Variants in ANGPT2 observed in about 807,000 individuals in gnomAD.
The protein encoded by ANGPT2 is angiopoietin 2, also known as angiopoietin-2.
A neutral mutation model predicts 62.9 loss-of-function variants in ANGPT2; 28 were observed. That is an observed-to-expected ratio of 0.44 (90% CI 0.33 to 0.61). ANGPT2 has a LOEUF of 0.61. ANGPT2 is among the 20% of genes least tolerant of loss of function. The pLI, the probability that ANGPT2 is intolerant of heterozygous loss-of-function variation, is 0.03. For synonymous variants in ANGPT2, 284 were observed against 207.8 expected, an observed-to-expected ratio of 1.37 and a Z score of -3.15; for missense variants, 727 against 594.9, an observed-to-expected ratio of 1.22 and a Z score of -2.31.
chr8:6,506,991 C>T (rs1046454506), intron 8 of ANGPT2, among the ~76,000 whole-genome samples: 4 of 151,882 alleles, frequency 2.6e-5, no homozygotes, highest in Non-Finnish European at 5.9e-5. Context: ...TCTGTCTCCC[C>T]GGTTCAAGAG....
At chr8:6,531,612 T>C (rs1013927891) in intron 2 of ANGPT2, among the ~76,000 whole-genome samples, 1 of 152,146 alleles carries the variant, frequency 6.6e-6, no homozygotes, top group African/African-American at 2.4e-5. Context: ...TATTTCAGTC[T>C]TCTTTCTGTT....
chr8:6,528,914 GC>G (rs1330282983), intron 2 of ANGPT2, among the ~76,000 whole-genome samples: 1 of 152,150 alleles, frequency 6.6e-6, no homozygotes, highest in Non-Finnish European at 1.5e-5. Context: ...AAAGTCCTTG[GC>G]CAACGTAAGG....
At chr8:6,513,592 C>T (rs1815636479) in intron 7 of ANGPT2, 86 bp downstream of exon 7, 5 of 1,155,878 alleles carry the variant, frequency 4.3e-6, no homozygotes, top group Non-Finnish European at 3.6e-6. Context: ...CTCGGCCTCC[C>T]AAAGTGCTGG....
intron 7 of ANGPT2, among the ~76,000 whole-genome samples, chr8:6,510,762 G>C (rs1308285221): frequency 6.6e-6 from 1 of 152,218 alleles, no homozygotes; most frequent in Non-Finnish European, 1.5e-5. Context: ...GTTGTGAAAA[G>C]ATGAGGGTAG....
rs1294085893 is a variant in ANGPT2, at chr8:6,499,974, C to G, written c.*3127G>C. 1.3e-6 allele frequency: 2 copies of G among 1,518,198 alleles called. No individual in the cohort carries two copies. Among genetic ancestry groups the G allele is most frequent in the South Asian group, 1.1e-5 (1 of 89,082 alleles). 94.0% of individuals were successfully genotyped at this position (1,518,198 alleles called of 1,614,324 possible). A position where few individuals can be genotyped will look rare whatever the true frequency, so the allele number is the denominator to read the frequency against. On this transcript the variant is annotated 3_prime_UTR_variant, in exon 9 of 9. Transcript: ENST00000629816. ...ACGATGGTAAATGCAGTTTGCTGTTCTCAAGAAATTATTATAAACATAAGG... is the reference window on the plus strand; with the variant it reads ...ACGATGGTAAATGCAGTTTGCTGTTGTCAAGAAATTATTATAAACATAAGG...
At chr8:6,532,637 A>G (rs1393828350) in intron 1 of ANGPT2, 150 bp from the exon 2 acceptor site, 1 of 617,120 alleles carries the variant, frequency 1.6e-6, no homozygotes, top group East Asian at 3.3e-5. Flanking sequence ...GAATCTTACT[A>G]TTTTTTTTTA....
At chr8:6,510,092 T>C (rs1405320923) in intron 7 of ANGPT2, among the ~76,000 whole-genome samples, 1 of 152,128 alleles carries the variant, frequency 6.6e-6, no homozygotes, top group East Asian at 1.9e-4. Context: ...CTTACATCGG[T>C]CATCTGTGTA....
At chr8:6,552,125 A>T (rs1823753997) in intron 1 of ANGPT2, among the ~76,000 whole-genome samples, 1 of 152,232 alleles carries the variant, frequency 6.6e-6, no homozygotes, top group Non-Finnish European at 1.5e-5. Flanking sequence ...TTTTCTACTA[A>T]GATATGTGGC....
intron 1 of ANGPT2, among the ~76,000 whole-genome samples, chr8:6,562,167 G>A (rs949601133): frequency 6.6e-6 from 1 of 152,156 alleles, no homozygotes; most frequent in Non-Finnish European, 1.5e-5. Flanking sequence ...CAGGAAATTG[G>A]TAAAGCACTT....
intron 2 of ANGPT2, among the ~76,000 whole-genome samples, chr8:6,531,943 G>C (rs1444161420): frequency 1.3e-5 from 2 of 152,172 alleles, no homozygotes; most frequent in Non-Finnish European, 2.9e-5. Context: ...AGAGTTTCTA[G>C]CTCTTTGCCT....
chr8:6,505,766 T>C (rs1813513713), intron 8 of ANGPT2, among the ~76,000 whole-genome samples: 1 of 133,826 alleles, frequency 7.5e-6, no homozygotes, highest in South Asian at 2.3e-4. Context: ...ATATATAGAA[T>C]ATATATATTC....
At chr8:6,534,187 C>G (rs559071906) in intron 1 of ANGPT2, among the ~76,000 whole-genome samples, 2 of 151,916 alleles carry the variant, frequency 1.3e-5, no homozygotes, top group East Asian at 1.9e-4. Context: ...CGGGTTCAAC[C>G]ACACCATCAA....
intron 1 of ANGPT2, among the ~76,000 whole-genome samples, chr8:6,553,702 T>C (rs1217410589): frequency 6.6e-6 from 1 of 151,472 alleles, no homozygotes; most frequent in Non-Finnish European, 1.5e-5. Context: ...CTTTTCCTTC[T>C]GGTTGGTGGT....
intron 5 of ANGPT2, among the ~76,000 whole-genome samples, chr8:6,518,960 G>T (rs1019691814): frequency 6.6e-6 from 1 of 151,916 alleles, no homozygotes; most frequent in Admixed American, 6.6e-5. Context: ...AGCACCTTCA[G>T]GAGTCAGGCT....
Position 6,502,552 on chromosome 8 carries a change from T to C in ANGPT2, c.*549A>G, listed in dbSNP as rs1325574955. The stretch of plus-strand genomic sequence containing the variant: ...CCTAAGAGATGGAGTAAAAATGCAC[T>C]AACTGTTTTTCCAAATATTAAACTT... On this transcript the variant is annotated 3_prime_UTR_variant, in exon 9 of 9. Coordinates refer to ENST00000629816, the MANE Select transcript of ANGPT2 (RefSeq NM_001118887.2). The C allele has an allele frequency of 6.6e-6, 1 of 152,258 alleles. No homozygotes were observed. The highest frequency in any genetic ancestry group is 1.5e-5 in the Non-Finnish European group (1 of 68,056). The allele number at this position is 152,258 out of a possible 1,614,324, so 9.4% of individuals were successfully genotyped here.
intron 1 of ANGPT2, among the ~76,000 whole-genome samples, chr8:6,558,268 G>T (rs1484888449): frequency 2.6e-5 from 4 of 152,214 alleles, no homozygotes; most frequent in Admixed American, 2.6e-4. Context: ...GAAAGGGATG[G>T]AAGACTGGGG....
intron 1 of ANGPT2, 70 bp downstream of exon 1, chr8:6,562,577 T>TTTTTTTTTTTTTTTTTTAAAAAA: frequency 1.2e-6 from 1 of 843,206 alleles, no homozygotes; most frequent in Non-Finnish European, 1.6e-6. Context: ...TTTTTGGTTG[T>TTTTTTTTTTTTTTTTTTAAAAAA]TAAAACCTGA....
At chr8:6,513,554 C>T (rs1356979739) in intron 7 of ANGPT2, 124 bp downstream of exon 7, 7 of 626,616 alleles carry the variant, frequency 1.1e-5, no homozygotes, top group South Asian at 7.4e-5. Context: ...AGGATGGTCT[C>T]AATCTCCTGA....
intron 1 of ANGPT2, among the ~76,000 whole-genome samples, chr8:6,536,073 T>G (rs531718781): frequency 6.6e-6 from 1 of 151,886 alleles, no homozygotes; most frequent in African/African-American, 2.4e-5. Flanking sequence ...AGAAAAAAAT[T>G]AAAATTAAAA....
Sources: allele counts gnomAD v4.1 joint callset (sites outside exome capture counted in the v4.1 genomes callset), GRCh38; gene constraint gnomAD v4.1.1; transcripts MANE v1.5; gene names NCBI Gene and HGNC (gene_info 2026-07-23, HGNC 2026-07-21).